Variants in C6orf118 observed in about 807,000 individuals in gnomAD.
C6orf118 encodes the protein uncharacterized protein C6orf118.
In C6orf118, 50 loss-of-function variants were observed where a neutral mutation model predicts 50.2. That is an observed-to-expected ratio of 1.00 (90% CI 0.79 to 1.26). C6orf118 has a LOEUF of 1.26. C6orf118 is among the 50% of genes most tolerant of loss of function. The probability of loss-of-function intolerance (pLI) is 0.00; values close to 1 mark genes in which losing one functional copy is unlikely to be tolerated. For synonymous variants in C6orf118, 239 were observed against 230.9 expected, an observed-to-expected ratio of 1.03 and a Z score of -0.32; for missense variants, 641 against 578.7, an observed-to-expected ratio of 1.11 and a Z score of -1.10.
intron 7 of C6orf118, among the ~76,000 whole-genome samples, chr6:165,287,085 A>G (rs1422693874): frequency 1.3e-5 from 2 of 152,216 alleles, no homozygotes; most frequent in Admixed American, 1.3e-4. Context: ...GCAAAGTCTC[A>G]GGATACAAAA....
intron 5 of C6orf118, 112 bp from the exon 6 acceptor site, chr6:165,293,583 C>A: frequency 1.3e-6 from 1 of 796,504 alleles, no homozygotes; most frequent in East Asian, 2.5e-5. Context: ...AATAGATCTG[C>A]TTACTTTTAA....
intron 5 of C6orf118, among the ~76,000 whole-genome samples, 196 bp downstream of exon 5, chr6:165,297,781 A>C (rs1473044815): frequency 1.3e-5 from 2 of 152,234 alleles, no homozygotes; most frequent in Non-Finnish European, 2.9e-5. Context: ...CCCCATGGAC[A>C]CACCATACTT....
In C6orf118 at chr6:165,301,968, C is replaced by T; in HGVS notation, c.354G>A (p.Leu118=). The T allele has an allele frequency of 6.2e-7, 1 of 1,613,798 alleles. No individual in the cohort carries two copies. The highest frequency in any genetic ancestry group is 8.5e-7 in the Non-Finnish European group (1 of 1,180,006). ...ALAHFTIHTA[L]VPSEAQDTPL... Reference sequence around the variant, plus strand: ...GGGTGTCCTGGGCCTCACTGGGGACCAGGGCCGTGTGGATGGTGAAGTGGG... The same window carrying T: ...GGGTGTCCTGGGCCTCACTGGGGACTAGGGCCGTGTGGATGGTGAAGTGGG... Residue 118 remains leucine (L), a synonymous_variant, in exon 2 of 9, where the codon CTG becomes CTA. Coordinates refer to ENST00000230301, the MANE Select transcript of C6orf118 (RefSeq NM_144980.4).
intron 2 of C6orf118, among the ~76,000 whole-genome samples, chr6:165,300,696 A>G (rs1292283459): frequency 1.3e-5 from 2 of 151,648 alleles, no homozygotes; most frequent in African/African-American, 2.4e-5. Context: ...ATTTTTTTAA[A>G]AAAATCTTTT....
intron 1 of C6orf118, among the ~76,000 whole-genome samples, chr6:165,303,611 A>C (rs2128164606): frequency 8.3e-6 from 1 of 121,082 alleles, no homozygotes; most frequent in East Asian, 2.3e-4. Flanking sequence ...AGAATCAAAT[A>C]GACACAATAA....
At chr6:165,306,553 A>G (rs866626906) in intron 1 of C6orf118, among the ~76,000 whole-genome samples, 2 of 143,922 alleles carry the variant, frequency 1.4e-5, no homozygotes, top group Admixed American at 6.9e-5. Flanking sequence ...AAAAAAAAAA[A>G]AAAAAAAAGA....
At chr6:165,280,658 A>G (rs539997791) in intron 8 of C6orf118, among the ~76,000 whole-genome samples, 5 of 152,340 alleles carry the variant, frequency 3.3e-5, no homozygotes, top group Admixed American at 6.5e-5. Flanking sequence ...AGGAGCACCT[A>G]GAAAGAACTG....
Position 165,309,561 on chromosome 6 carries a change from C to T in C6orf118, c.25+1G>A, listed in dbSNP as rs772584473. ...AGCAAGAGCCGCTCCAGGCCACTTA[C>T]ATTCAGGCTCCCGCTCCTCCGCCAT... On this transcript the variant is annotated splice_donor_variant, in intron 1 of 8. Transcript: ENST00000230301. LOFTEE classifies it high-confidence loss of function. 7.4e-6 allele frequency: 12 copies of T among 1,614,100 alleles called. No homozygotes were observed. The highest frequency in any genetic ancestry group is 8.5e-6 in the Non-Finnish European group (10 of 1,180,040).
intron 7 of C6orf118, chr6:165,282,046 T>C (rs976160185): frequency 1.2e-5 from 2 of 162,924 alleles, no homozygotes; most frequent in South Asian, 1.8e-4. Flanking sequence ...AAATCACATA[T>C]ATATCAGCAA....
intron 6 of C6orf118, 189 bp downstream of exon 6, chr6:165,293,224 C>A: frequency 1.7e-6 from 1 of 592,654 alleles, no homozygotes; most frequent in East Asian, 2.7e-5. Context: ...AACAAACAGG[C>A]AGTCACCACC....
rs375611856 is a variant in C6orf118 at position 165,298,425 on chromosome 6, G to T, written c.937-324C>A. On this transcript the variant is annotated intron_variant, in intron 4 of 8. Transcript: ENST00000230301. ...AAGTCCTGGAGGCACATTGTCAGTG[G>T]CACCGCAATCGTTTCCTCTAGGTGA... 2.0e-5 allele frequency among the ~76,000 whole-genome samples: 3 copies of T among 152,206 alleles called. No individual in the cohort carries two copies. In the East Asian group the frequency reaches 5.8e-4, roughly 29 times the overall value.
At chr6:165,307,013 C>T (rs988481608) in intron 1 of C6orf118, among the ~76,000 whole-genome samples, 14 of 152,134 alleles carry the variant, frequency 9.2e-5, no homozygotes, top group Non-Finnish European at 1.5e-4. Flanking sequence ...GAAATTATGA[C>T]TCTCTTACAA....
chr6:165,309,168 G>C (rs1047147665), intron 1 of C6orf118, among the ~76,000 whole-genome samples: 2 of 152,248 alleles, frequency 1.3e-5, no homozygotes, highest in Non-Finnish European at 2.9e-5. Context: ...AGCGCGGAAA[G>C]GCAGCATGCC....
chr6:165,308,864 A>C (rs9457069), intron 1 of C6orf118, among the ~76,000 whole-genome samples: 6,437 of 152,268 alleles, frequency 0.042, 474 homozygotes, highest in African/African-American at 0.15. Flanking sequence ...GATATCACAC[A>C]ATAAAATTTC....
rs762731673 is a variant in C6orf118, at chr6:165,290,000, C to T, written c.1188G>A (p.Arg396=). 1 of 1,610,426 alleles carries T rather than the reference C, an allele frequency of 6.2e-7. No individual in the cohort carries two copies. The highest frequency in any genetic ancestry group is 1.1e-5 in the South Asian group (1 of 90,456). The change falls in exon 7 of 9, where the codon AGG becomes AGA. Residue 396 remains arginine (R), a synonymous_variant. Transcript: ENST00000230301. ...LTLTEKVEKK[R]CEILSKWDEI... ...CATCCCACTTACTGAGTATTTCACA[C>T]CTCTTCTTTTCAACCTTCTCAGTAA...
intron 7 of C6orf118, chr6:165,282,025 C>G (rs1319066489): frequency 5.8e-6 from 1 of 171,572 alleles, no homozygotes; most frequent in Non-Finnish European, 1.2e-5. Flanking sequence ...TATAAAAATA[C>G]AAATATCAAT....
At chr6:165,289,504 G>T (rs1326051824) in intron 7 of C6orf118, among the ~76,000 whole-genome samples, 1 of 152,058 alleles carries the variant, frequency 6.6e-6, no homozygotes, top group African/African-American at 2.4e-5. Context: ...ATGTGTAATG[G>T]TGGGCTTTAG....
intron 3 of C6orf118, 30 bp downstream of exon 3, chr6:165,300,334 A>G (rs1429210658): frequency 1.6e-5 from 26 of 1,612,590 alleles, no homozygotes; most frequent in Non-Finnish European, 1.7e-5. Flanking sequence ...AAGCTTCTCA[A>G]CTGTTATGCT....
At chr6:165,283,129 C>A (rs1222498497) in intron 7 of C6orf118, among the ~76,000 whole-genome samples, 1 of 152,096 alleles carries the variant, frequency 6.6e-6, no homozygotes, top group East Asian at 1.9e-4. Context: ...GAATCCTACA[C>A]CTTCAACTGA....
Sources: allele counts gnomAD v4.1 joint callset (sites outside exome capture counted in the v4.1 genomes callset), GRCh38; gene constraint gnomAD v4.1.1; transcripts MANE v1.5; gene names NCBI Gene and HGNC (gene_info 2026-07-23, HGNC 2026-07-21).